The following LHX6 variants were observed in gnomAD, a reference collection of about 807,000 sequenced individuals.
LHX6 encodes LIM homeobox 6.
LHX6 carries 15 observed loss-of-function variants against 47.1 expected under a neutral mutation model. The observed-to-expected ratio is 0.32, with a 90% CI of 0.21 to 0.49. The LOEUF is 0.49. LHX6 is among the 20% of genes least tolerant of loss of function. The probability of loss-of-function intolerance (pLI) is 0.99; values close to 1 mark genes in which losing one functional copy is unlikely to be tolerated. For missense variants in LHX6, 404 were observed against 539.6 expected (o/e 0.75, Z 2.49); for synonymous variants, 242 against 233.5 (o/e 1.04, Z -0.33).
At position 122,204,796 on chromosome 9, in the gene LHX6, A is replaced by G. The variant is rs1830109936; in HGVS notation, c.1159-16T>C. 2 of 1,571,974 alleles carry G rather than the reference A, an allele frequency of 1.3e-6. No homozygotes were observed. The highest frequency in any genetic ancestry group is 4.8e-5 in the East Asian group (2 of 42,052). The stretch of plus-strand genomic sequence containing the variant: ...AAAGGATGACCTGCAAGAGGAGGGC[A>G]TGGGAGGTGGCTGAGCTGGGGGCCT... On this transcript the variant is annotated splice_polypyrimidine_tract_variant and intron_variant, in intron 9 of 9. Coordinates refer to ENST00000394319, the MANE Select transcript of LHX6 (RefSeq NM_014368.5).
At chr9:122,205,326 G>A (rs1438829277) in intron 9 of LHX6, among the ~76,000 whole-genome samples, 7 of 152,200 alleles carry the variant, frequency 4.6e-5, no homozygotes, top group African/African-American at 9.7e-5. Flanking sequence ...ACAGGGCCAC[G>A]GGCTAAGCAC....
chr9:122,221,390 C>G (rs1309305174), intron 4 of LHX6: 3 of 985,546 alleles, frequency 3.0e-6, no homozygotes, highest in Non-Finnish European at 3.6e-6. Context: ...GGCCGCTTCC[C>G]GCTCTGCGCT....
Position 122,214,553 on chromosome 9 carries a change from C to G in LHX6, c.683-170G>C. On this transcript the variant is annotated intron_variant, in intron 5 of 9. Transcript: ENST00000394319. The surrounding 1 kb of genome is among the most constrained non-coding windows in gnomAD (Gnocchi z 4.6). ...AGCTCAGTCTTTGGGGAAGGGGTTT[C>G]TGAGCGTCCGCTTAGTACTGGACAC... 1 of 569,096 alleles carries G rather than the reference C, an allele frequency of 1.8e-6. No individual in the cohort carries two copies. Among genetic ancestry groups the G allele is most frequent in the Non-Finnish European group, 2.2e-6 (1 of 449,364 alleles). The allele number at this position is 569,096 out of a possible 1,614,324, so 35.3% of individuals were successfully genotyped here. A position where few individuals can be genotyped will look rare whatever the true frequency, so the allele number is the denominator to read the frequency against.
At chr9:122,220,550 G>A (rs1042187036) in intron 4 of LHX6, among the ~76,000 whole-genome samples, 4 of 152,220 alleles carry the variant, frequency 2.6e-5, no homozygotes, top group African/African-American at 9.7e-5. Context: ...CGGCGGCGGA[G>A]ACAACGAAAC....
intron 5 of LHX6, among the ~76,000 whole-genome samples, chr9:122,215,368 C>T (rs755083967): frequency 6.6e-6 from 1 of 152,130 alleles, no homozygotes; most frequent in South Asian, 2.1e-4. Flanking sequence ...CTACAATGAA[C>T]GTGTGTGTAT....
chr9:122,206,384 C>T (rs896430471), intron 9 of LHX6, among the ~76,000 whole-genome samples: 4 of 152,174 alleles, frequency 2.6e-5, no homozygotes, highest in African/African-American at 9.7e-5. Flanking sequence ...GCTGGCCACA[C>T]ACATACCACA....
chr9:122,228,605 G>C, intron 1 of LHX6, 52 bp downstream of exon 1: 1 of 1,322,410 alleles, frequency 7.6e-7, no homozygotes, highest in Non-Finnish European at 9.6e-7. Context: ...CTGGGTCCCG[G>C]ACCCTGCCCG....
intron 4 of LHX6, among the ~76,000 whole-genome samples, chr9:122,225,797 A>G (rs1166415081): frequency 6.6e-6 from 1 of 152,136 alleles, no homozygotes; most frequent in Non-Finnish European, 1.5e-5. Flanking sequence ...GTTCAGGACG[A>G]GGCGCTTGGG....
In LHX6 at chr9:122,214,187, C is replaced by A. The variant is rs540317064; in HGVS notation, c.783+96G>T. 1.7e-5 allele frequency: 23 copies of A among 1,353,442 alleles called. 2 individuals carry two copies. The highest frequency in any genetic ancestry group is 2.1e-5 in the Non-Finnish European group (21 of 1,018,036). 83.8% of individuals were successfully genotyped at this position (1,353,442 alleles called of 1,614,324 possible). Reference sequence around the variant, plus strand: ...GCAGCTGCGGCCCCGCCCCGCCACCCGGGTCCGGCCCGAGGGGCGGAGCCA... The same window carrying A: ...GCAGCTGCGGCCCCGCCCCGCCACCAGGGTCCGGCCCGAGGGGCGGAGCCA... On this transcript the variant is annotated intron_variant, in intron 6 of 9. Coordinates refer to ENST00000394319, the MANE Select transcript of LHX6 (RefSeq NM_014368.5). The surrounding 1 kb of genome is among the most constrained non-coding windows in gnomAD (Gnocchi z 4.6).
chr9:122,223,527 C>A (rs1830960502), intron 4 of LHX6, among the ~76,000 whole-genome samples: 2 of 152,186 alleles, frequency 1.3e-5, no homozygotes, highest in Non-Finnish European at 2.9e-5. Flanking sequence ...GAGACTTCCC[C>A]CCAACAGTGG....
In LHX6 at chr9:122,226,332, G is replaced by A; in HGVS notation, c.461+44C>T. Reference sequence around the variant, plus strand: ...AAAAGTGGCCTCCGAATGCGCCCGGGGCCTGCCCTCGGCGACACTGCTGGC... The same window carrying A: ...AAAAGTGGCCTCCGAATGCGCCCGGAGCCTGCCCTCGGCGACACTGCTGGC... On this transcript the variant is annotated intron_variant, in intron 4 of 9. Transcript: ENST00000394319. This position sits in a 1 kb window ranked among gnomAD's most constrained non-coding sequence, Gnocchi z 6.5. The A allele has an allele frequency of 6.3e-7, 1 of 1,586,562 alleles. No homozygotes were observed. The highest frequency in any genetic ancestry group is 1.1e-5 in the South Asian group (1 of 87,946).
chr9:122,221,970 C>A (rs921118353), intron 4 of LHX6, among the ~76,000 whole-genome samples: 1 of 152,192 alleles, frequency 6.6e-6, no homozygotes, highest in East Asian at 1.9e-4. Flanking sequence ...CCCACCCCCA[C>A]GCCACCATAC....
Position 122,228,711 on chromosome 9 carries a change from C to T in LHX6, c.30G>A (p.Pro10=). The change falls in exon 1 of 10, where the codon CCG becomes CCA. Residue 10 remains proline (P), a synonymous_variant. Transcript: ENST00000394319. The stretch of plus-strand genomic sequence containing the variant: ...GCAGCCGGCAGCCCTCGGGCAACGC[C>T]GGGGCGGCGTTCTCATGCTTCCAGT... MYWKHENAA[P]ALPEGCRLPA... 2 of 1,290,818 alleles carry T rather than the reference C, an allele frequency of 1.5e-6. No homozygotes were observed. The highest frequency in any genetic ancestry group is 2.7e-5 in the South Asian group (1 of 37,002). The allele number at this position is 1,290,818 out of a possible 1,614,324, so 80.0% of individuals were successfully genotyped here.
Position 122,226,954 on chromosome 9 carries a change from G to A in LHX6, c.233C>T (p.Thr78Met). The A allele has an allele frequency of 1.3e-6, 2 of 1,554,702 alleles. No homozygotes were observed. The highest frequency in any genetic ancestry group is 2.4e-5 in the South Asian group (2 of 84,148). ...AGAGGGCGGTGAGCAGACAGATGGC[G>A]TGCTGGGCGTACATGGGGAGGCCTG... Reference protein sequence around the residue: ...EGQASPCTPSTPSVCSPPSAA... With the variant: ...EGQASPCTPSMPSVCSPPSAA... Residue 78 changes from threonine (T) to methionine (M), a missense_variant, in exon 3 of 10, where the codon ACG (threonine) becomes ATG (methionine). Physicochemically the swap from Thr to Met is moderately conservative, Grantham distance 81 (BLOSUM62 -1). Around this residue, in one of 7 missense-constraint regions of LHX6, gnomAD observed 144 missense variants for 128.7 expected, o/e 1.12. Coordinates refer to ENST00000394319, the MANE Select transcript of LHX6 (RefSeq NM_014368.5). The surrounding 1 kb of genome is among the most constrained non-coding windows in gnomAD (Gnocchi z 6.5).
rs763451213 is a variant in LHX6, at chr9:122,214,873, A to G, written c.683-490T>C. On this transcript the variant is annotated intron_variant, in intron 5 of 9. Coordinates refer to ENST00000394319, the MANE Select transcript of LHX6 (RefSeq NM_014368.5). This position sits in a 1 kb window ranked among gnomAD's most constrained non-coding sequence, Gnocchi z 4.6. The stretch of plus-strand genomic sequence containing the variant: ...TAAGAATATACAACAAGGTGTTGGC[A>G]GTGGTTTACTTCCCAGGAATGTGAT... 5.3e-5 allele frequency among the ~76,000 whole-genome samples: 8 copies of G among 152,254 alleles called. No homozygotes were observed. The highest frequency in any genetic ancestry group is 1.0e-4 in the Non-Finnish European group (7 of 68,046).
At chr9:122,223,469 G>T (rs1830958343) in intron 4 of LHX6, among the ~76,000 whole-genome samples, 1 of 152,212 alleles carries the variant, frequency 6.6e-6, no homozygotes, top group African/African-American at 2.4e-5. Flanking sequence ...GATGACAACA[G>T]TGATAATCGA....
chr9:122,218,392 C>G (rs563946929), intron 4 of LHX6, among the ~76,000 whole-genome samples: 1 of 152,306 alleles, frequency 6.6e-6, no homozygotes, highest in South Asian at 2.1e-4. Context: ...GCACTCCTCT[C>G]TCTCCTCAAC....
At chr9:122,227,690 T>C in intron 1 of LHX6, 8 of 1,026,730 alleles carry the variant, frequency 7.8e-6, no homozygotes, top group South Asian at 2.3e-5. Context: ...TCCCTCTCTC[T>C]CCCCCTCTCC....
chr9:122,228,627 G>A, intron 1 of LHX6, 30 bp downstream of exon 1: 1 of 1,305,114 alleles, frequency 7.7e-7, no homozygotes, highest in South Asian at 2.2e-5. Context: ...CCCCGGCCCG[G>A]GCCGCTCACC....
Sources: allele counts gnomAD v4.1 joint callset (sites outside exome capture counted in the v4.1 genomes callset), GRCh38; gene constraint gnomAD v4.1.1; regional missense constraint gnomAD v4.1.1; non-coding constraint Gnocchi (gnomAD v3.1); transcripts MANE v1.5; gene names NCBI Gene and HGNC (gene_info 2026-07-23, HGNC 2026-07-21).